The following BTNL9 variants were observed in gnomAD, a reference collection of about 807,000 sequenced individuals.
The protein encoded by BTNL9 is butyrophilin like 9, also known as butyrophilin-like protein 9.
BTNL9 carries 45 observed loss-of-function variants against 45.8 expected under a neutral mutation model. The observed-to-expected ratio is 0.98, with a 90% CI of 0.77 to 1.26. BTNL9 has a LOEUF of 1.26. Among genes scored for constraint, BTNL9 ranks in the 50% most tolerant of loss-of-function variants. The pLI is 0.00. For synonymous variants in BTNL9, 346 were observed against 330.8 expected, an observed-to-expected ratio of 1.05 and a Z score of -0.50; for missense variants, 784 against 729.7, an observed-to-expected ratio of 1.07 and a Z score of -0.86.
In BTNL9 at chr5:181,054,263, A is replaced by C. The variant is rs763020751; in HGVS notation, c.907+4A>C. The C allele has an allele frequency of 1.2e-6, 2 of 1,609,980 alleles. No homozygotes were observed. Among genetic ancestry groups the C allele is most frequent in the Admixed American group, 3.4e-5 (2 of 59,636 alleles). On this transcript the variant is annotated splice_donor_region_variant and intron_variant, in intron 7 of 10. Coordinates refer to ENST00000327705, the MANE Select transcript of BTNL9 (RefSeq NM_152547.5). Reference sequence around the variant, plus strand: ...GAGAAACTCACTGCAGAGCTGGGTAAGTTCTGGGTGCGGGGCCACAGTGCT... The same window carrying C: ...GAGAAACTCACTGCAGAGCTGGGTACGTTCTGGGTGCGGGGCCACAGTGCT...
chr5:181,043,682 T>C (rs1187460436), intron 1 of BTNL9, among the ~76,000 whole-genome samples: 3 of 152,244 alleles, frequency 2.0e-5, no homozygotes, highest in East Asian at 1.9e-4. Context: ...GGTTTTGCTG[T>C]CATGGAGCTC....
chr5:181,058,507 C>A, intron 10 of BTNL9, 129 bp downstream of exon 10: 1 of 1,214,758 alleles, frequency 8.2e-7, no homozygotes, highest in Non-Finnish European at 1.2e-6. Context: ...ACACACAAGA[C>A]ACACACGCAC....
At chr5:181,045,696 C>T in intron 2 of BTNL9, 98 bp downstream of exon 2, 2 of 964,070 alleles carry the variant, frequency 2.1e-6, no homozygotes, top group Non-Finnish European at 3.3e-6. Context: ...CAGGGCGTGC[C>T]AGACGCTAAA....
rs368154215 is a variant in BTNL9 at position 181,054,216 on chromosome 5, C to CTTT, written c.887-9_887-7dup. 2.4e-4 allele frequency: 367 copies of CTTT among 1,552,630 alleles called. 1 individual carries two copies. Among genetic ancestry groups the CTTT allele is most frequent in the South Asian group, 7.6e-4 (66 of 86,758 alleles). On this transcript the variant is annotated intron_variant, in intron 6 of 10. Coordinates refer to ENST00000327705, the MANE Select transcript of BTNL9 (RefSeq NM_152547.5). Reference sequence around the variant, plus strand: ...TGAGAGTCTTTCCCCTTTTCTTCATCTTTTTTTTTTTTTTTTCTCTAGAGA... The same window carrying CTTT: ...TGAGAGTCTTTCCCCTTTTCTTCATCTTTTTTTTTTTTTTTTTTTCTCTAGAGA...
rs1762125398 is a variant in BTNL9 at position 181,061,234 on chromosome 5, G to A, written c.*1372G>A. ...AAAATATAAAACATATGAATATAAAGAAAGAAAGAGACAAGTCAAATGTAG... is the reference window on the plus strand; with the variant it reads ...AAAATATAAAACATATGAATATAAAAAAAGAAAGAGACAAGTCAAATGTAG... On this transcript the variant is annotated 3_prime_UTR_variant, in exon 11 of 11. Coordinates refer to ENST00000327705, the MANE Select transcript of BTNL9 (RefSeq NM_152547.5). The A allele has an allele frequency of 6.6e-6, 1 of 152,180 alleles. No individual in the cohort carries two copies. The highest frequency in any genetic ancestry group is 2.1e-4 in the South Asian group (1 of 4,830). The allele number at this position is 152,180 out of a possible 1,614,324, so 9.4% of individuals were successfully genotyped here. A position where few individuals can be genotyped will look rare whatever the true frequency, so the allele number is the denominator to read the frequency against.
chr5:181,048,729 A>C (rs1348893998), intron 3 of BTNL9, among the ~76,000 whole-genome samples: 5 of 90,718 alleles, frequency 5.5e-5, no homozygotes, highest in Admixed American at 1.4e-4. Context: ...ATATATATCT[A>C]TATATATATC....
chr5:181,054,215 TC>T, intron 6 of BTNL9, 23 bp from the exon 7 acceptor site: 1 of 1,600,690 alleles, frequency 6.2e-7, no homozygotes, highest in Non-Finnish European at 8.5e-7. Context: ...CTTTTCTTCA[TC>T]TTTTTTTTTT....
In BTNL9 at chr5:181,055,936, GGAAGCTTGGGGTCCTGATGTGC is replaced by G; in HGVS notation, c.929-52_929-31del. On this transcript the variant is annotated intron_variant, in intron 8 of 10. Coordinates refer to ENST00000327705, the MANE Select transcript of BTNL9 (RefSeq NM_152547.5). This position sits in a 1 kb window ranked among gnomAD's most constrained non-coding sequence, Gnocchi z 4.4. ...GGTGCAAGATGTGATGTGTGAGCAG[GGAAGCTTGGGGTCCTGATGTGC>G]TAATTTCCTGTTTTCCCTTGGTTGC... The G allele has an allele frequency of 6.2e-7, 1 of 1,610,858 alleles. No homozygotes were observed.
At position 181,053,342 on chromosome 5, in the gene BTNL9, G is replaced by A; in HGVS notation, c.853+26G>A. On this transcript the variant is annotated intron_variant, in intron 5 of 10. Transcript: ENST00000327705. This position sits in a 1 kb window ranked among gnomAD's most constrained non-coding sequence, Gnocchi z 6.5. Reference sequence around the variant, plus strand: ...GTACCGGCGCGGGCGGCGGGGCGGGGAGGGGCACCGGCCGGTGCTGAACCC... The same window carrying A: ...GTACCGGCGCGGGCGGCGGGGCGGGAAGGGGCACCGGCCGGTGCTGAACCC... 6.6e-7 allele frequency: 1 copy of A among 1,518,906 alleles called. No homozygotes were observed. The highest frequency in any genetic ancestry group is 8.8e-7 in the Non-Finnish European group (1 of 1,133,362). 94.1% of individuals were successfully genotyped at this position (1,518,906 alleles called of 1,614,324 possible).
intron 1 of BTNL9, among the ~76,000 whole-genome samples, chr5:181,041,589 T>C (rs1416153072): frequency 6.6e-6 from 1 of 152,228 alleles, no homozygotes; most frequent in Non-Finnish European, 1.5e-5. Flanking sequence ...CCATAGTGAT[T>C]CGCCTGAGTT....
intron 9 of BTNL9, among the ~76,000 whole-genome samples, chr5:181,057,501 A>G (rs1414819335): frequency 6.6e-6 from 1 of 152,214 alleles, no homozygotes; most frequent in African/African-American, 2.4e-5. Context: ...TCCATTGGCC[A>G]CCTATTACAT....
At chr5:181,048,864 T>G (rs1213956902) in intron 3 of BTNL9, among the ~76,000 whole-genome samples, 1 of 138,108 alleles carries the variant, frequency 7.2e-6, no homozygotes, top group Non-Finnish European at 1.5e-5. Context: ...ATTATATAAT[T>G]ATATTAGTTA....
In BTNL9 at chr5:181,053,386, T is replaced by TC; in HGVS notation, c.853+76dup. ...TGAACCCCGGGGCCGCGGAGGCGCC[T>TC]CCCCCCAGGACGCGGCGCGGGAAGG... On this transcript the variant is annotated intron_variant, in intron 5 of 10. Transcript: ENST00000327705. This position sits in a 1 kb window ranked among gnomAD's most constrained non-coding sequence, Gnocchi z 6.5. The TC allele has an allele frequency of 2.6e-6, 4 of 1,514,940 alleles. No individual in the cohort carries two copies. The highest frequency in any genetic ancestry group is 2.5e-5 in the East Asian group (1 of 39,570). 93.8% of individuals were successfully genotyped at this position (1,514,940 alleles called of 1,614,324 possible).
At position 181,050,479 on chromosome 5, in the gene BTNL9, G is replaced by T; in HGVS notation, c.736+110G>T. 1 of 1,350,890 alleles carries T rather than the reference G, an allele frequency of 7.4e-7. No homozygotes were observed. The highest frequency in any genetic ancestry group is 1.5e-5 in the African/African-American group (1 of 68,686). The allele number at this position is 1,350,890 out of a possible 1,614,324, so 83.7% of individuals were successfully genotyped here. ...TGGTACTGCGCCTGTCTGCATATAG[G>T]GTGTGTTGGCCTTGACACCTGAAAA... On this transcript the variant is annotated intron_variant, in intron 4 of 10. Transcript: ENST00000327705. The surrounding 1 kb of genome is among the most constrained non-coding windows in gnomAD (Gnocchi z 4.9).
At chr5:181,048,978 TAGTG>T (rs1466386629) in intron 3 of BTNL9, among the ~76,000 whole-genome samples, 3 of 147,012 alleles carry the variant, frequency 2.0e-5, no homozygotes, top group South Asian at 4.2e-4. Context: ...AAATTACTCA[TAGTG>T]AGAGAAAGGC....
rs760856389 is a variant in BTNL9, at chr5:181,059,387, G to T, written c.1133G>T (p.Arg378Leu). The T allele has an allele frequency of 1.3e-5, 20 of 1,526,878 alleles. No individual in the cohort carries two copies. Among genetic ancestry groups the T allele is most frequent in the Middle Eastern group, 3.6e-4 (2 of 5,524 alleles). 94.6% of individuals were successfully genotyped at this position (1,526,878 alleles called of 1,614,324 possible). A position where few individuals can be genotyped will look rare whatever the true frequency, so the allele number is the denominator to read the frequency against. Residue 378 changes from arginine to leucine, a missense_variant, in exon 11 of 11, where the codon CGG (arginine) becomes CTG (leucine). Coordinates refer to ENST00000327705, the MANE Select transcript of BTNL9 (RefSeq NM_152547.5). ...SEQTCALSLE[R>L]FSAGRHYWEV... ...CAGACGTGCGCGCTGAGCCTGGAGC[G>T]GTTCTCCGCCGGCCGCCACTACTGG...
At position 181,050,960 on chromosome 5, in the gene BTNL9, G is replaced by A. The variant is rs191939482; in HGVS notation, c.736+591G>A. Among the ~76,000 whole-genome samples, 147 of 151,910 alleles carry A rather than the reference G, an allele frequency of 9.7e-4. No homozygotes were observed. Among genetic ancestry groups the A allele is most frequent in the Admixed American group, 2.6e-3 (40 of 15,232 alleles). ...AAATTAGCCCGGCATAGTGGCAGGC[G>A]CCTGTAATCCCAGCTACTCGGGAGG... On this transcript the variant is annotated intron_variant, in intron 4 of 10. Coordinates refer to ENST00000327705, the MANE Select transcript of BTNL9 (RefSeq NM_152547.5). The surrounding 1 kb of genome is among the most constrained non-coding windows in gnomAD (Gnocchi z 4.9).
At chr5:181,054,778 G>T in intron 7 of BTNL9, 1 of 985,378 alleles carries the variant, frequency 1.0e-6, no homozygotes, top group Non-Finnish European at 1.2e-6. Context: ...GAAACTGTAA[G>T]GTTGGGAAAG....
At chr5:181,047,415 T>C (rs1435183672) in intron 2 of BTNL9, 1 of 834,378 alleles carries the variant, frequency 1.2e-6, no homozygotes, top group African/African-American at 1.8e-5. Context: ...TACATGTGAA[T>C]TATTTTTTAA....
Sources: allele counts gnomAD v4.1 joint callset (sites outside exome capture counted in the v4.1 genomes callset), GRCh38; gene constraint gnomAD v4.1.1; non-coding constraint Gnocchi (gnomAD v3.1); transcripts MANE v1.5; gene names NCBI Gene and HGNC (gene_info 2026-07-23, HGNC 2026-07-21).